Variants in ALDH5A1 observed in about 807,000 individuals in gnomAD.
ALDH5A1 encodes the protein aldehyde dehydrogenase 5 family member A1.
In ALDH5A1, 33 loss-of-function variants were observed where a neutral mutation model predicts 54.7. The ratio of observed to expected loss-of-function variants is 0.60; its 90% CI spans 0.46 to 0.81. The LOEUF (loss-of-function observed/expected upper bound fraction) is 0.81, where lower values mean the gene tolerates loss of function less well. Ranked by LOEUF, ALDH5A1 falls within the 30% of genes least tolerant of loss-of-function variation. ALDH5A1 has a pLI of 0.00. For synonymous variants in ALDH5A1, 294 were observed against 292.7 expected, an observed-to-expected ratio of 1.00 and a Z score of -0.05; for missense variants, 657 against 711.0, an observed-to-expected ratio of 0.92 and a Z score of 0.86.
Position 24,526,972 on chromosome 6 carries a change from G to GTATATATA in ALDH5A1, c.1174-1024_1174-1023insATATATAT, listed in dbSNP as rs1459778389. On this transcript the variant is annotated intron_variant, in intron 7 of 9. Coordinates refer to ENST00000357578, the MANE Select transcript of ALDH5A1 (RefSeq NM_001080.3). ...ATATCTAATATATATATATGTGTGT[G>GTATATATA]TGTATATATATATATATATATATAT... Among the ~76,000 whole-genome samples the GTATATATA allele has an allele frequency of 3.7e-3, 31 of 8,354 alleles. 1 individual carries two copies. Among genetic ancestry groups the GTATATATA allele is most frequent in the Middle Eastern group, 0.045 (1 of 22 alleles). The allele number at this position is 8,354 out of a possible 152,430, so 5.5% of individuals were successfully genotyped here. A position where few individuals can be genotyped will look rare whatever the true frequency, so the allele number is the denominator to read the frequency against.
intron 8 of ALDH5A1, among the ~76,000 whole-genome samples, chr6:24,528,757 G>T (rs142529110): frequency 6.6e-5 from 10 of 150,512 alleles, no homozygotes; most frequent in African/African-American, 2.4e-4. Flanking sequence ...CACCCAGGCT[G>T]GAGTGCAGTG....
At chr6:24,497,283 C>T (rs1477938380) in intron 1 of ALDH5A1, among the ~76,000 whole-genome samples, 1 of 152,162 alleles carries the variant, frequency 6.6e-6, no homozygotes, top group Admixed American at 6.5e-5. Context: ...TTTCAATCCT[C>T]CCTGCGATTG....
At chr6:24,496,291 A>G (rs909863363) in intron 1 of ALDH5A1, among the ~76,000 whole-genome samples, 2 of 152,226 alleles carry the variant, frequency 1.3e-5, no homozygotes, top group African/African-American at 4.8e-5. Flanking sequence ...GGAGCAGAAG[A>G]GAGATCAGAA....
intron 9 of ALDH5A1, among the ~76,000 whole-genome samples, chr6:24,532,487 C>T (rs1367085418): frequency 2.0e-5 from 3 of 152,124 alleles, no homozygotes; most frequent in African/African-American, 4.8e-5. Flanking sequence ...GGCTTAATCC[C>T]CAGAAATTCC....
Position 24,515,314 on chromosome 6 carries a change from T to C in ALDH5A1, c.870+4T>C. Reference sequence around the variant, plus strand: ...TGGTTCAACAACTACAGGAAAGGTATGTGACTCAAGTTTCAAAGAAAACAA... The same window carrying C: ...TGGTTCAACAACTACAGGAAAGGTACGTGACTCAAGTTTCAAAGAAAACAA... On this transcript the variant is annotated splice_donor_region_variant and intron_variant, in intron 5 of 9. Coordinates refer to ENST00000357578, the MANE Select transcript of ALDH5A1 (RefSeq NM_001080.3). 1 of 1,613,976 alleles carries C rather than the reference T, an allele frequency of 6.2e-7. No homozygotes were observed. The highest frequency in any genetic ancestry group is 8.5e-7 in the Non-Finnish European group (1 of 1,179,850).
intron 8 of ALDH5A1, 54 bp from the exon 9 acceptor site, chr6:24,532,064 TG>T (rs1759946760): frequency 4.6e-6 from 7 of 1,531,480 alleles, no homozygotes; most frequent in African/African-American, 2.7e-5. Context: ...AAAACAAAAC[TG>T]GTTTCCTTTC....
At chr6:24,517,668 GC>G (rs1759600116) in intron 5 of ALDH5A1, among the ~76,000 whole-genome samples, 1 of 152,206 alleles carries the variant, frequency 6.6e-6, no homozygotes, top group South Asian at 2.1e-4. Flanking sequence ...CCATGACCCT[GC>G]CAAGTCCAGC....
intron 7 of ALDH5A1, among the ~76,000 whole-genome samples, chr6:24,526,876 CTATATATATAT>C (rs1188726695): frequency 5.7e-5 from 7 of 122,046 alleles, no homozygotes; most frequent in African/African-American, 2.6e-4. Flanking sequence ...TATATATCTT[CTATATATATAT>C]TCTATATATA....
At chr6:24,501,384 T>C (rs377299826) in intron 1 of ALDH5A1, among the ~76,000 whole-genome samples, 7 of 152,342 alleles carry the variant, frequency 4.6e-5, no homozygotes, top group African/African-American at 1.7e-4. Flanking sequence ...GAAGGAACTC[T>C]CCACAGGGCT....
Position 24,533,785 on chromosome 6 carries a change from T to A in ALDH5A1, c.*73T>A. The A allele has an allele frequency of 1.5e-6, 2 of 1,357,212 alleles. No individual in the cohort carries two copies. Among genetic ancestry groups the A allele is most frequent in the Non-Finnish European group, 2.1e-6 (2 of 969,406 alleles). 84.1% of individuals were successfully genotyped at this position (1,357,212 alleles called of 1,614,324 possible). A position where few individuals can be genotyped will look rare whatever the true frequency, so the allele number is the denominator to read the frequency against. ...TATAGGTACATGCCATCCATTATTTTAAATAAACTAATAGGTTTTCAGAAT... is the reference window on the plus strand; with the variant it reads ...TATAGGTACATGCCATCCATTATTTAAAATAAACTAATAGGTTTTCAGAAT... On this transcript the variant is annotated 3_prime_UTR_variant, in exon 10 of 10. Transcript: ENST00000357578.
At chr6:24,508,229 G>A (rs1759393894) in intron 4 of ALDH5A1, among the ~76,000 whole-genome samples, 1 of 151,728 alleles carries the variant, frequency 6.6e-6, no homozygotes, top group Non-Finnish European at 1.5e-5. Flanking sequence ...TGGGCATGGT[G>A]GCACGCACCT....
chr6:24,509,518 G>A lies in ALDH5A1; in HGVS notation c.726+4533G>A, dbSNP rs1440478506. On this transcript the variant is annotated intron_variant, in intron 4 of 9. Transcript: ENST00000357578. The surrounding 1 kb of genome is among the most constrained non-coding windows in gnomAD (Gnocchi z 4.7). ...ATTTTACTACCATTTCAGTCTGTTC[G>A]GGATATCTCGTTCTTCCTGATTTAA... 2.0e-5 allele frequency among the ~76,000 whole-genome samples: 3 copies of A among 151,980 alleles called. No individual in the cohort carries two copies. The highest frequency in any genetic ancestry group is 4.4e-5 in the Non-Finnish European group (3 of 67,956).
chr6:24,515,365 T>G (rs1759550798), intron 5 of ALDH5A1, 55 bp downstream of exon 5: 1 of 1,584,672 alleles, frequency 6.3e-7, no homozygotes. Context: ...TTTATCTTGA[T>G]AGGTTATAAA....
Position 24,533,764 on chromosome 6 carries a change from G to A in ALDH5A1, c.*52G>A, listed in dbSNP as rs754888167. 2 of 1,490,430 alleles carry A rather than the reference G, an allele frequency of 1.3e-6. No homozygotes were observed. The highest frequency in any genetic ancestry group is 1.9e-6 in the Non-Finnish European group (2 of 1,075,344). The allele number at this position is 1,490,430 out of a possible 1,614,324, so 92.3% of individuals were successfully genotyped here. ...AAAAGGAGACTTATCTACATATATA[G>A]GTACATGCCATCCATTATTTTAAAT... On this transcript the variant is annotated 3_prime_UTR_variant, in exon 10 of 10. Coordinates refer to ENST00000357578, the MANE Select transcript of ALDH5A1 (RefSeq NM_001080.3).
chr6:24,527,388 A>ATGATGAAACCC (rs1431468456), intron 7 of ALDH5A1, among the ~76,000 whole-genome samples: 2 of 152,092 alleles, frequency 1.3e-5, no homozygotes, highest in Non-Finnish European at 2.9e-5. Context: ...CCTGGCCAAG[A>ATGATGAAACCC]TGATGAAACC....
In ALDH5A1 at chr6:24,494,971, T is replaced by C; in HGVS notation, c.-26T>C. 2.3e-6 allele frequency: 3 copies of C among 1,301,166 alleles called. No homozygotes were observed. Among genetic ancestry groups the C allele is most frequent in the Non-Finnish European group, 9.7e-7 (1 of 1,025,694 alleles). The allele number at this position is 1,301,166 out of a possible 1,614,324, so 80.6% of individuals were successfully genotyped here. Reference sequence around the variant, plus strand: ...CGTGCGCGCGCGCCCGCTTGCCTGTTTCCTGTCGCCGTCGTTGCCCGGGCC... The same window carrying C: ...CGTGCGCGCGCGCCCGCTTGCCTGTCTCCTGTCGCCGTCGTTGCCCGGGCC... On this transcript the variant is annotated 5_prime_UTR_variant, in exon 1 of 10. Transcript: ENST00000357578.
chr6:24,516,121 G>A lies in ALDH5A1; in HGVS notation c.870+811G>A, dbSNP rs578064491. Among the ~76,000 whole-genome samples the A allele has an allele frequency of 3.6e-4, 55 of 152,102 alleles. No homozygotes were observed. The South Asian group carries it at 4.8e-3, about 13-fold the overall frequency. On this transcript the variant is annotated intron_variant, in intron 5 of 9. Coordinates refer to ENST00000357578, the MANE Select transcript of ALDH5A1 (RefSeq NM_001080.3). The stretch of plus-strand genomic sequence containing the variant: ...AACTTAATGTGTATGCCTGTAAGTA[G>A]ATGTTTATTTATCCTTTTAAATGTC...
intron 1 of ALDH5A1, among the ~76,000 whole-genome samples, chr6:24,498,656 C>A (rs145076722): frequency 1.3e-5 from 2 of 152,190 alleles, no homozygotes; most frequent in African/African-American, 2.4e-5. Flanking sequence ...TCTCAGGGAA[C>A]CTTCCTTTTT....
chr6:24,502,678 G>T lies in ALDH5A1; in HGVS notation c.438+72G>T. The T allele has an allele frequency of 1.4e-5, 16 of 1,160,558 alleles. 1 individual carries two copies. In the Admixed American group the frequency reaches 1.7e-4, roughly 12 times the overall value. 71.9% of individuals were successfully genotyped at this position (1,160,558 alleles called of 1,614,324 possible). On this transcript the variant is annotated intron_variant, in intron 2 of 9. Transcript: ENST00000357578. Reference sequence around the variant, plus strand: ...TTTTTACACTAAACTTGGGAAAGCCGCTGACTTCCCTTCACTGCTGGCTGT... The same window carrying T: ...TTTTTACACTAAACTTGGGAAAGCCTCTGACTTCCCTTCACTGCTGGCTGT...
Sources: allele counts gnomAD v4.1 joint callset (sites outside exome capture counted in the v4.1 genomes callset), GRCh38; gene constraint gnomAD v4.1.1; non-coding constraint Gnocchi (gnomAD v3.1); transcripts MANE v1.5; gene names NCBI Gene and HGNC (gene_info 2026-07-23, HGNC 2026-07-21).